Variants in TTC3 observed in about 807,000 individuals in gnomAD.
The protein encoded by TTC3 is E3 ubiquitin-protein ligase TTC3.
Under a neutral mutation model 249.6 loss-of-function variants are expected in TTC3, and 180 were observed. That is an observed-to-expected ratio of 0.72 (90% CI 0.64 to 0.82). The LOEUF (loss-of-function observed/expected upper bound fraction) is 0.82. Ranked by LOEUF, TTC3 falls within the 40% of genes least tolerant of loss-of-function variation. The pLI is 0.00. For synonymous variants in TTC3, 717 were observed against 805.0 expected (o/e 0.89, Z 1.85); for missense variants, 2,061 against 2,398.4 (o/e 0.86, Z 2.94).
chr21:37,112,214 T>A (rs1302097254), intron 11 of TTC3, among the ~76,000 whole-genome samples: 1 of 151,834 alleles, frequency 6.6e-6, no homozygotes, highest in Non-Finnish European at 1.5e-5. Flanking sequence ...CTGAAGGAAA[T>A]AGAGACACAA....
chr21:37,088,354 AC>A lies in TTC3; in HGVS notation c.338+9del. 1 of 1,606,192 alleles carries A rather than the reference AC, an allele frequency of 6.2e-7. No homozygotes were observed. The highest frequency in any genetic ancestry group is 8.5e-7 in the Non-Finnish European group (1 of 1,175,512). On this transcript the variant is annotated intron_variant, in intron 4 of 45. Transcript: ENST00000355666. ...TCCCTGTGTGGACGCCAAGTAAGTT[AC>A]TATATGTTGCTCATTTTGTGTGGAC...
At chr21:37,153,420 G>A in intron 27 of TTC3, 143 bp downstream of exon 27, 1 of 826,898 alleles carries the variant, frequency 1.2e-6, no homozygotes, top group East Asian at 2.9e-5. Flanking sequence ...TACTTTTCCA[G>A]TCCCAGCTAC....
intron 5 of TTC3, among the ~76,000 whole-genome samples, chr21:37,089,792 G>A (rs1363128851): frequency 6.6e-6 from 1 of 152,086 alleles, no homozygotes; most frequent in South Asian, 2.1e-4. Flanking sequence ...GGGATTACCA[G>A]TGTGAGCCTG....
rs61629167 is a variant in TTC3, at chr21:37,076,694, A to ATTTTTTTTTTTTTTT, written c.-12+3342_-12+3356dup. ...AAACTCCCTTGGGGAAAACAAAGGG[A>ATTTTTTTTTTTTTTT]TTTTTTTTTTTTTTTTTTTTTTTTT... On this transcript the variant is annotated intron_variant, in intron 1 of 45. Transcript: ENST00000355666. Among the ~76,000 whole-genome samples, 6 of 94,994 alleles carry ATTTTTTTTTTTTTTT rather than the reference A, an allele frequency of 6.3e-5. 1 individual carries two copies. The highest frequency in any genetic ancestry group is 2.8e-4 in the African/African-American group (6 of 21,218). The allele number at this position is 94,994 out of a possible 152,430, so 62.3% of individuals were successfully genotyped here.
chr21:37,118,997 G>T (rs189321187), intron 11 of TTC3, among the ~76,000 whole-genome samples: 1 of 152,168 alleles, frequency 6.6e-6, no homozygotes, highest in Admixed American at 6.5e-5. Flanking sequence ...CAATGTCCTT[G>T]TCTACTAATC....
intron 16 of TTC3, among the ~76,000 whole-genome samples, chr21:37,132,048 A>C (rs1398053450): frequency 6.6e-6 from 1 of 152,028 alleles, no homozygotes; most frequent in Non-Finnish European, 1.5e-5. Context: ...AATACCCCTT[A>C]ATTTTTCTCT....
chr21:37,138,595 TTA>T (rs764992596), intron 18 of TTC3, 37 bp from the exon 19 acceptor site: 1 of 1,471,920 alleles, frequency 6.8e-7, no homozygotes, highest in South Asian at 1.2e-5. Context: ...TTGGGCAGAA[TTA>T]TATTCAGATT....
chr21:37,073,340 C>G, exon 1 of TTC3: 1 of 827,272 alleles, frequency 1.2e-6, no homozygotes, highest in Non-Finnish European at 1.5e-6. Flanking sequence ...TGCCCGCGTC[C>G]GAGGCTCGCG....
At chr21:37,195,927 C>T (rs1290194726) in exon 42 of TTC3, 12 of 1,614,060 alleles carry the variant, frequency 7.4e-6, no homozygotes, top group African/African-American at 1.3e-5. Flanking sequence ...TGTGGCTGAT[C>T]GGAAGCAGCC....
At chr21:37,199,427 G>A (rs2085272188) in intron 44 of TTC3, among the ~76,000 whole-genome samples, 1 of 152,214 alleles carries the variant, frequency 6.6e-6, no homozygotes, top group African/African-American at 2.4e-5. Flanking sequence ...AACTGTGCCT[G>A]GAGTCCCAGG....
At chr21:37,197,626 C>T in exon 43 of TTC3, 1 of 1,611,814 alleles carries the variant, frequency 6.2e-7, no homozygotes, top group Non-Finnish European at 8.5e-7. Context: ...AACTCACTCT[C>T]AGGATTGAGT....
chr21:37,112,573 C>T (rs374353699), intron 11 of TTC3, among the ~76,000 whole-genome samples: 8 of 152,246 alleles, frequency 5.3e-5, no homozygotes, highest in Middle Eastern at 6.8e-3. Flanking sequence ...AAAAAAAGTC[C>T]GGAACCAGAT....
intron 41 of TTC3, among the ~76,000 whole-genome samples, chr21:37,194,248 C>T (rs1052493503): frequency 1.3e-5 from 2 of 152,156 alleles, no homozygotes; most frequent in South Asian, 2.1e-4. Flanking sequence ...CGCAGTCAAC[C>T]GCAGTTAGAA....
At chr21:37,187,451 A>G (rs1339775077) in intron 38 of TTC3, among the ~76,000 whole-genome samples, 2 of 152,234 alleles carry the variant, frequency 1.3e-5, no homozygotes, top group African/African-American at 4.8e-5. Context: ...TACTTTCATC[A>G]TATTTAATCA....
chr21:37,108,489 C>G lies in TTC3; in HGVS notation c.900+43C>G, dbSNP rs1032136973. The G allele has an allele frequency of 3.9e-6, 6 of 1,549,672 alleles. No homozygotes were observed. The African/African-American group carries it at 6.9e-5, about 18-fold the overall frequency. ...TTTATATTGAGCAAATAATGCCATA[C>G]AACATTGTGAAAAATCTGTTTATAG... On this transcript the variant is annotated intron_variant, in intron 11 of 45. Transcript: ENST00000355666.
At chr21:37,174,893 A>G (rs1375185382) in intron 35 of TTC3, among the ~76,000 whole-genome samples, 6 of 152,142 alleles carry the variant, frequency 3.9e-5, no homozygotes, top group Admixed American at 1.3e-4. Context: ...TCAAGGAGGA[A>G]CTGTCCCACC....
At chr21:37,111,166 C>T (rs1426176279) in intron 11 of TTC3, among the ~76,000 whole-genome samples, 5 of 152,164 alleles carry the variant, frequency 3.3e-5, no homozygotes, top group African/African-American at 1.2e-4. Context: ...AAATAACCAG[C>T]TAACATCATA....
intron 35 of TTC3, among the ~76,000 whole-genome samples, chr21:37,175,978 CCAGGCTAGT>C (rs2082250937): frequency 1.3e-5 from 2 of 152,034 alleles, no homozygotes; most frequent in South Asian, 4.2e-4. Flanking sequence ...GCCATGTTGG[CCAGGCTAGT>C]CTTGAACTTC....
chr21:37,159,885 C>T, intron 29 of TTC3, 140 bp downstream of exon 29: 1 of 589,384 alleles, frequency 1.7e-6, no homozygotes, highest in Non-Finnish European at 2.6e-6. Context: ...GTAGTACGTA[C>T]TATTATTCAT....
Sources: allele counts gnomAD v4.1 joint callset (sites outside exome capture counted in the v4.1 genomes callset), GRCh38; gene constraint gnomAD v4.1.1; transcripts MANE v1.5; gene names NCBI Gene and HGNC (gene_info 2026-07-23, HGNC 2026-07-21).